The following SYNPO variants were observed in gnomAD, a reference collection of about 807,000 sequenced individuals.
SYNPO encodes synaptopodin.
In SYNPO, 19 loss-of-function variants were observed where a neutral mutation model predicts 49.5. The observed-to-expected ratio is 0.38, with a 90% CI of 0.27 to 0.56. The LOEUF (loss-of-function observed/expected upper bound fraction) is 0.56, where lower values mean the gene tolerates loss of function less well. Ranked by LOEUF, SYNPO falls within the 20% of genes least tolerant of loss-of-function variation. SYNPO has a pLI of 0.68. For missense variants in SYNPO, 1,131 were observed against 1,248.3 expected, an observed-to-expected ratio of 0.91 and a Z score of 1.42; for synonymous variants, 536 against 548.0, an observed-to-expected ratio of 0.98 and a Z score of 0.31.
intron 2 of SYNPO, among the ~76,000 whole-genome samples, chr5:150,622,421 G>A (rs1238788352): frequency 3.9e-5 from 6 of 152,196 alleles, no homozygotes; most frequent in Admixed American, 3.9e-4. Context: ...GGAAGATTTT[G>A]CCAAGCCAAA....
At chr5:150,604,717 G>A (rs764586137) in intron 1 of SYNPO, among the ~76,000 whole-genome samples, 8 of 152,092 alleles carry the variant, frequency 5.3e-5, no homozygotes, top group East Asian at 3.8e-4. Flanking sequence ...ATGGATTGTC[G>A]TGAAAATTCA....
the SYNPO span, among the ~76,000 whole-genome samples, chr5:150,595,928 G>A: frequency 2.0e-5 from 3 of 152,020 alleles, no homozygotes; most frequent in Non-Finnish European, 4.4e-5. Flanking sequence ...GTGGCCCAGC[G>A]GCTCTTCTCA....
intron 1 of SYNPO, chr5:150,615,322 C>T (rs1036786785): frequency 1.1e-4 from 16 of 152,238 alleles, no homozygotes; most frequent in African/African-American, 3.9e-4. Flanking sequence ...ACTTTTCCGC[C>T]TCTCTCTTCT....
At chr5:150,616,600 A>G (rs1756989861) in intron 1 of SYNPO, among the ~76,000 whole-genome samples, 2 of 152,154 alleles carry the variant, frequency 1.3e-5, no homozygotes, top group African/African-American at 2.4e-5. Flanking sequence ...CTAGACCCCT[A>G]TGTGGAACCG....
chr5:150,631,968 C>T (rs1288497188), intron 2 of SYNPO, among the ~76,000 whole-genome samples: 2 of 152,086 alleles, frequency 1.3e-5, no homozygotes, highest in East Asian at 3.9e-4. Flanking sequence ...GAATGAAGGC[C>T]GCCCCAGACC....
the SYNPO span, among the ~76,000 whole-genome samples, chr5:150,588,799 C>T: frequency 6.6e-6 from 1 of 151,934 alleles, no homozygotes; most frequent in Non-Finnish European, 1.5e-5. Context: ...GGTGTTCACA[C>T]TTTTTGACAT....
rs1278364059 is a variant in SYNPO, at chr5:150,656,870, C to G, written c.2495C>G (p.Pro832Arg). The G allele has an allele frequency of 6.4e-7, 1 of 1,573,884 alleles. No homozygotes were observed. Among genetic ancestry groups the G allele is most frequent in the East Asian group, 2.4e-5 (1 of 42,096 alleles). The change falls in exon 3 of 3, where the codon CCT becomes CGT. Residue 832 changes from proline to arginine, a missense_variant. Coordinates refer to ENST00000307662, the MANE Select transcript of SYNPO (RefSeq NM_007286.6). ...CCGCGGAGCCCGTTGCCCGCCGGTC[C>G]TTCGTCCTGCACCAGTCCCCGGAGC... ...PIPRSPLPAG[P>R]SSCTSPRSPL...
At chr5:150,617,488 G>A (rs534103248) in intron 1 of SYNPO, among the ~76,000 whole-genome samples, 9 of 152,210 alleles carry the variant, frequency 5.9e-5, no homozygotes, top group South Asian at 2.1e-4. Context: ...TAGAGACAGC[G>A]TTTCACCATG....
At chr5:150,603,564 T>C (rs997001483) in intron 1 of SYNPO, among the ~76,000 whole-genome samples, 7 of 152,266 alleles carry the variant, frequency 4.6e-5, no homozygotes, top group African/African-American at 1.7e-4. Flanking sequence ...CTCTTTAGGG[T>C]AGCCTGACCC....
intron 2 of SYNPO, among the ~76,000 whole-genome samples, chr5:150,654,920 GT>G (rs1272754309): frequency 6.6e-6 from 1 of 152,206 alleles, no homozygotes; most frequent in Non-Finnish European, 1.5e-5. Context: ...GAGGTCAGGA[GT>G]TCGAGACCAG....
At chr5:150,586,579 T>TGGAG in the SYNPO span, among the ~76,000 whole-genome samples, 2 of 151,410 alleles carry the variant, frequency 1.3e-5, no homozygotes, top group African/African-American at 4.9e-5. Flanking sequence ...GAAGGATGGA[T>TGGAG]GGATGGATGG....
chr5:150,604,282 G>A (rs959610033), intron 1 of SYNPO, among the ~76,000 whole-genome samples: 1 of 152,202 alleles, frequency 6.6e-6, no homozygotes, highest in Admixed American at 6.5e-5. Flanking sequence ...CGCTTAAAGA[G>A]CAACTGCGTC....
chr5:150,642,111 A>G (rs1191109992), intron 1 of SYNPO, among the ~76,000 whole-genome samples: 1 of 152,238 alleles, frequency 6.6e-6, no homozygotes, highest in Non-Finnish European at 1.5e-5. Flanking sequence ...AGCTGTTGTA[A>G]GAACTGAACA....
At chr5:150,641,603 G>A (rs1757911900) in intron 1 of SYNPO, among the ~76,000 whole-genome samples, 1 of 152,208 alleles carries the variant, frequency 6.6e-6, no homozygotes, top group African/African-American at 2.4e-5. Context: ...GGCAGAACAA[G>A]CAGCTGTCCA....
At chr5:150,604,671 C>T (rs751407392) in intron 1 of SYNPO, among the ~76,000 whole-genome samples, 1 of 152,304 alleles carries the variant, frequency 6.6e-6, no homozygotes, top group Non-Finnish European at 1.5e-5. Flanking sequence ...GCTCACCAGG[C>T]GACTGCGTCT....
At chr5:150,627,300 A>G (rs1757389324) in intron 2 of SYNPO, among the ~76,000 whole-genome samples, 2 of 152,144 alleles carry the variant, frequency 1.3e-5, no homozygotes, top group Admixed American at 6.5e-5. Context: ...CAGCAGCAGG[A>G]TAGATCTGCT....
chr5:150,610,697 TATC>T (rs1756822574), intron 1 of SYNPO, among the ~76,000 whole-genome samples: 1 of 152,236 alleles, frequency 6.6e-6, no homozygotes, highest in African/African-American at 2.4e-5. Flanking sequence ...AGCAATATGA[TATC>T]ATTATTATTG....
At chr5:150,643,252 C>T (rs931912560) in intron 1 of SYNPO, among the ~76,000 whole-genome samples, 32 of 152,238 alleles carry the variant, frequency 2.1e-4, no homozygotes, top group Admixed American at 1.4e-3. Context: ...GCTCTGTGAT[C>T]GTGGGCAGCT....
At chr5:150,642,668 C>G (rs1393623170) in intron 1 of SYNPO, among the ~76,000 whole-genome samples, 1 of 152,180 alleles carries the variant, frequency 6.6e-6, no homozygotes, top group Non-Finnish European at 1.5e-5. Context: ...CCCCGCCTCC[C>G]CAGCTTTGTT....
Sources: gnomAD v4.1 joint callset for allele counts (sites outside exome capture counted in the v4.1 genomes callset) on GRCh38, gnomAD v4.1.1 for gene constraint, MANE v1.5 for transcripts, NCBI Gene and HGNC (gene_info 2026-07-23, HGNC 2026-07-21) for gene names.